PPFIBP2: variants seen among roughly 807,000 people sequenced by gnomAD.
PPFIBP2 encodes PPFIB scaffold protein 2, also known as liprin-beta-2.
A neutral mutation model predicts 118.3 loss-of-function variants in PPFIBP2; 118 were observed. That is an observed-to-expected ratio of 1.00 (90% CI 0.86 to 1.16). The LOEUF is 1.16. PPFIBP2 is among the 50% of genes most tolerant of loss of function. PPFIBP2 has a pLI of 0.00. For missense variants in PPFIBP2, 1,195 were observed against 1,073.1 expected (o/e 1.11, Z -1.59); for synonymous variants, 414 against 397.4 (o/e 1.04, Z -0.50).
At chr11:7,589,082 C>T (rs1177579564) in intron 3 of PPFIBP2, among the ~76,000 whole-genome samples, 2 of 152,168 alleles carry the variant, frequency 1.3e-5, no homozygotes, top group African/African-American at 4.8e-5. Context: ...ACATTTGTAG[C>T]AATAACCATC....
At chr11:7,564,606 T>G (rs141394931) in intron 2 of PPFIBP2, among the ~76,000 whole-genome samples, 1 of 152,316 alleles carries the variant, frequency 6.6e-6, no homozygotes, top group African/African-American at 2.4e-5. Flanking sequence ...TACCATCGTT[T>G]CTTTGTAATT....
chr11:7,619,318 T>G (rs368045002), intron 6 of PPFIBP2, among the ~76,000 whole-genome samples: 3 of 151,950 alleles, frequency 2.0e-5, no homozygotes, highest in South Asian at 4.2e-4. Context: ...TGGGCAGGAG[T>G]TAACCTGGCA....
chr11:7,567,146 CCCTAGCAACG>C (rs1365745175), intron 3 of PPFIBP2, among the ~76,000 whole-genome samples: 1 of 152,168 alleles, frequency 6.6e-6, no homozygotes, highest in Non-Finnish European at 1.5e-5. Context: ...TTCCTTTTGG[CCCTAGCAACG>C]CCTTTCCCAA....
chr11:7,564,246 T>C (rs1038053447), intron 2 of PPFIBP2, among the ~76,000 whole-genome samples: 3 of 152,160 alleles, frequency 2.0e-5, no homozygotes, highest in African/African-American at 4.8e-5. Context: ...ACCAGATCTC[T>C]GAGGACATTG....
At chr11:7,572,386 C>A (rs561271724) in intron 3 of PPFIBP2, among the ~76,000 whole-genome samples, 9 of 152,176 alleles carry the variant, frequency 5.9e-5, no homozygotes, top group African/African-American at 2.2e-4. Flanking sequence ...TCCCTGCCCC[C>A]CAAAGTAAAT....
At position 7,645,042 on chromosome 11, in the gene PPFIBP2, A is replaced by G. The variant is rs1382325942; in HGVS notation, c.1646+2616A>G. Among the ~76,000 whole-genome samples, 335 of 136,806 alleles carry G rather than the reference A, an allele frequency of 2.4e-3. 1 individual carries two copies. The highest frequency in any genetic ancestry group is 8.2e-3 in the African/African-American group (300 of 36,788). 89.8% of individuals were successfully genotyped at this position (136,806 alleles called of 152,430 possible). On this transcript the variant is annotated intron_variant, in intron 17 of 23. Transcript: ENST00000299492. ...ACTCCGTCTCAAAAAAAAAAAAAAA[A>G]AAAAAAAAAAAAAAAAAGGTATTTT...
At chr11:7,548,724 G>C (rs902067758) in intron 1 of PPFIBP2, among the ~76,000 whole-genome samples, 3 of 152,160 alleles carry the variant, frequency 2.0e-5, no homozygotes, top group Non-Finnish European at 4.4e-5. Context: ...CAGCATTAAG[G>C]TAGTGGCCGG....
chr11:7,577,496 AG>A (rs1386658041), intron 3 of PPFIBP2: 8 of 446,278 alleles, frequency 1.8e-5, no homozygotes, highest in South Asian at 1.1e-4. Flanking sequence ...TTGAGGGGGG[AG>A]GGGGCAGAGG....
At chr11:7,615,393 G>A (rs1207167095) in intron 6 of PPFIBP2, among the ~76,000 whole-genome samples, 1 of 151,158 alleles carries the variant, frequency 6.6e-6, no homozygotes, top group African/African-American at 2.4e-5. Flanking sequence ...CCTGTGGACA[G>A]ACATACCAGA....
intron 1 of PPFIBP2, among the ~76,000 whole-genome samples, chr11:7,534,886 A>C (rs550652619): frequency 6.6e-6 from 1 of 152,344 alleles, no homozygotes; most frequent in East Asian, 1.9e-4. Flanking sequence ...AAAATGAATT[A>C]CAGCATCATC....
At chr11:7,515,687 G>T (rs912749317) in intron 1 of PPFIBP2, among the ~76,000 whole-genome samples, 3 of 152,180 alleles carry the variant, frequency 2.0e-5, no homozygotes, top group African/African-American at 7.2e-5. Flanking sequence ...AGGAAAGCTG[G>T]TGACAAGGCT....
At chr11:7,597,280 C>T in intron 4 of PPFIBP2, 1 of 1,535,510 alleles carries the variant, frequency 6.5e-7, no homozygotes, top group Non-Finnish European at 8.7e-7. Context: ...CCAGAGGCAG[C>T]TCCTGTGGCT....
chr11:7,604,267 G>A (rs1374717174), intron 5 of PPFIBP2, among the ~76,000 whole-genome samples: 6 of 152,196 alleles, frequency 3.9e-5, no homozygotes, highest in Middle Eastern at 3.2e-3. Flanking sequence ...ACCTTACATT[G>A]AGTGGATAAA....
intron 12 of PPFIBP2, among the ~76,000 whole-genome samples, chr11:7,633,352 G>A (rs1851033480): frequency 6.6e-6 from 1 of 152,174 alleles, no homozygotes; most frequent in Non-Finnish European, 1.5e-5. Context: ...ATAGCAATTG[G>A]TCTAATTGCT....
intron 3 of PPFIBP2, among the ~76,000 whole-genome samples, chr11:7,569,891 C>G (rs192781720): frequency 5.9e-5 from 9 of 152,258 alleles, no homozygotes; most frequent in Admixed American, 2.0e-4. Context: ...GGATGATGCC[C>G]TCGGGAGGGT....
the PPFIBP2 span, among the ~76,000 whole-genome samples, chr11:7,663,239 T>G: frequency 7.3e-6 from 1 of 137,392 alleles, no homozygotes; most frequent in African/African-American, 2.5e-5. Context: ...TTTTAGAGTT[T>G]CCAGTTTTTC....
chr11:7,647,781 C>G (rs1256643834), intron 17 of PPFIBP2, among the ~76,000 whole-genome samples: 1 of 152,186 alleles, frequency 6.6e-6, no homozygotes, highest in African/African-American at 2.4e-5. Context: ...ACTTCTTGTT[C>G]TTATTTATCT....
intron 6 of PPFIBP2, among the ~76,000 whole-genome samples, chr11:7,611,396 A>G (rs918454535): frequency 4.6e-5 from 7 of 152,264 alleles, no homozygotes; most frequent in African/African-American, 1.4e-4. Context: ...AAGTGCCAGC[A>G]TTAGTGCATA....
intron 10 of PPFIBP2, among the ~76,000 whole-genome samples, chr11:7,630,378 C>G (rs1850598191): frequency 6.6e-6 from 1 of 152,226 alleles, no homozygotes; most frequent in Admixed American, 6.5e-5. Context: ...GTGGCACAAT[C>G]TCAGCTCACC....
Sources: allele counts gnomAD v4.1 joint callset (sites outside exome capture counted in the v4.1 genomes callset), GRCh38; gene constraint gnomAD v4.1.1; transcripts MANE v1.5; gene names NCBI Gene and HGNC (gene_info 2026-07-23, HGNC 2026-07-21).